Variants in APIP observed in about 807,000 individuals in gnomAD.
The protein encoded by APIP is methylthioribulose-1-phosphate dehydratase.
A neutral mutation model predicts 32.0 loss-of-function variants in APIP; 32 were observed. The observed-to-expected ratio is 1.00, with a 90% confidence interval of 0.76 to 1.34. APIP has a LOEUF of 1.34. Among genes scored for constraint, APIP ranks in the 40% most tolerant of loss-of-function variants. The probability of loss-of-function intolerance (pLI) is 0.00; values close to 1 mark genes in which losing one functional copy is unlikely to be tolerated. For missense variants in APIP, 247 were observed against 298.6 expected, an observed-to-expected ratio of 0.83 and a Z score of 1.27; for synonymous variants, 92 against 94.8, an observed-to-expected ratio of 0.97 and a Z score of 0.17.
intron 1 of APIP, among the ~76,000 whole-genome samples, chr11:34,911,877 C>A (rs1853558196): frequency 6.6e-6 from 1 of 152,272 alleles, no homozygotes; most frequent in South Asian, 2.1e-4. Flanking sequence ...GAACTTCATC[C>A]TTTCCCCCCA....
At position 34,890,417 on chromosome 11, in the gene APIP, G is replaced by T. The variant is rs545182480; in HGVS notation, c.207+87C>A. 6.2e-6 allele frequency: 8 copies of T among 1,280,958 alleles called. No individual in the cohort carries two copies. In the South Asian group the frequency reaches 9.6e-5, roughly 15 times the overall value. The allele number at this position is 1,280,958 out of a possible 1,614,324, so 79.3% of individuals were successfully genotyped here. A position where few individuals can be genotyped will look rare whatever the true frequency, so the allele number is the denominator to read the frequency against. ...GTTATTCAAATTGCTATGATAAAAT[G>T]AATGTTTTCTCTTAAAATTAATTCC... On this transcript the variant is annotated intron_variant, in intron 3 of 6. Transcript: ENST00000395787.
chr11:34,908,962 A>G (rs1853498494), intron 1 of APIP, among the ~76,000 whole-genome samples: 1 of 152,260 alleles, frequency 6.6e-6, no homozygotes, highest in Middle Eastern at 3.4e-3. Flanking sequence ...GAAACGTAAG[A>G]TATGTGATAA....
At chr11:34,883,598 T>A (rs2303957) in intron 5 of APIP, 94 bp from the exon 6 acceptor site, 1 of 1,284,364 alleles carries the variant, frequency 7.8e-7, no homozygotes, top group Non-Finnish European at 1.1e-6. Context: ...CAGTTAGACA[T>A]GCTGTTTGTG....
At chr11:34,892,023 CCATCTATA>C (rs1853193944) in intron 2 of APIP, among the ~76,000 whole-genome samples, 1 of 152,038 alleles carries the variant, frequency 6.6e-6, no homozygotes, top group Non-Finnish European at 1.5e-5. Context: ...TAAGTAAAAC[CCATCTATA>C]AAGTAGGAAA....
chr11:34,888,892 G>GA (rs1853136498), intron 3 of APIP, 23 bp from the exon 4 acceptor site: 4 of 1,331,164 alleles, frequency 3.0e-6, no homozygotes, highest in Non-Finnish European at 4.0e-6. Flanking sequence ...GGGAAAAAAA[G>GA]AAAAAAAGAA....
chr11:34,911,346 T>C (rs1206030648), intron 1 of APIP, among the ~76,000 whole-genome samples: 1 of 152,066 alleles, frequency 6.6e-6, no homozygotes, highest in African/African-American at 2.4e-5. Context: ...TAAGGTAAAA[T>C]TAAAAAAATA....
chr11:34,912,159 C>T (rs1013156998), intron 1 of APIP, among the ~76,000 whole-genome samples: 24 of 151,906 alleles, frequency 1.6e-4, no homozygotes, highest in Non-Finnish European at 2.1e-4. Flanking sequence ...GAGTCTGACC[C>T]GAAAATAATA....
chr11:34,887,382 C>T (rs2956095), intron 5 of APIP, among the ~76,000 whole-genome samples: 120,242 of 152,138 alleles, frequency 0.79, 47,689 homozygotes, highest in East Asian at 0.83. Context: ...CTCTACTTTC[C>T]TCAGTATGTA....
intron 2 of APIP, among the ~76,000 whole-genome samples, chr11:34,894,355 C>T (rs986372773): frequency 2.0e-5 from 3 of 150,412 alleles, no homozygotes; most frequent in African/African-American, 7.4e-5. Context: ...AATGATTAGT[C>T]ATCTGTATTT....
At chr11:34,885,996 G>A (rs1489951614) in intron 5 of APIP, among the ~76,000 whole-genome samples, 6 of 152,160 alleles carry the variant, frequency 3.9e-5, no homozygotes, top group African/African-American at 1.4e-4. Context: ...TATGTAATAC[G>A]TGATGATAAT....
chr11:34,915,001 C>T (rs1485563497), intron 1 of APIP, among the ~76,000 whole-genome samples: 1 of 76,398 alleles, frequency 1.3e-5, no homozygotes, highest in Non-Finnish European at 2.6e-5. Context: ...CAAAACGTGT[C>T]AAAAAAAAAA....
At chr11:34,891,474 T>G (rs1008024023) in intron 2 of APIP, among the ~76,000 whole-genome samples, 6 of 152,192 alleles carry the variant, frequency 3.9e-5, no homozygotes, top group African/African-American at 1.4e-4. Flanking sequence ...CTGCATGCTC[T>G]AGTTTCTGCT....
At chr11:34,913,206 T>C (rs1759965468) in intron 1 of APIP, among the ~76,000 whole-genome samples, 1 of 152,232 alleles carries the variant, frequency 6.6e-6, no homozygotes, top group East Asian at 1.9e-4. Context: ...TCTTCAGTCA[T>C]CCTGCTGATT....
intron 1 of APIP, among the ~76,000 whole-genome samples, chr11:34,901,564 A>G (rs1279573282): frequency 1.3e-5 from 2 of 152,162 alleles, no homozygotes; most frequent in African/African-American, 4.8e-5. Context: ...CCATAGTATG[A>G]CTATAAGGGG....
chr11:34,898,705 C>G (rs1365655096), intron 1 of APIP, among the ~76,000 whole-genome samples: 4 of 151,488 alleles, frequency 2.6e-5, no homozygotes, highest in African/African-American at 9.7e-5. Context: ...GTCTCTCTCT[C>G]TGCCCTTGGT....
chr11:34,887,783 G>C (rs907699514), intron 5 of APIP, among the ~76,000 whole-genome samples: 1 of 151,978 alleles, frequency 6.6e-6, no homozygotes, highest in African/African-American at 2.4e-5. Context: ...TATTTAAACT[G>C]ATCTAGAATG....
intron 5 of APIP, among the ~76,000 whole-genome samples, chr11:34,886,969 A>G (rs764436848): frequency 3.3e-5 from 5 of 152,330 alleles, no homozygotes; most frequent in African/African-American, 1.2e-4. Flanking sequence ...GCTGTTCTTT[A>G]TATAAAAGAT....
chr11:34,888,825 A>G lies in APIP; in HGVS notation c.252T>C (p.Ser84=). 6.6e-7 allele frequency: 1 copy of G among 1,511,362 alleles called. No individual in the cohort carries two copies. Among genetic ancestry groups the G allele is most frequent in the Non-Finnish European group, 8.8e-7 (1 of 1,142,142 alleles). 93.6% of individuals were successfully genotyped at this position (1,511,362 alleles called of 1,614,324 possible). A position where few individuals can be genotyped will look rare whatever the true frequency, so the allele number is the denominator to read the frequency against. ...TTAGCTTCTTCGATGGCGAAGGTCC[A>G]CTTATGTCCTTTTCATTTATATCAC... ...FVCDINEKDI[S]GPSPSKKLKK... The change falls in exon 4 of 7, where the codon AGT becomes AGC. Residue 84 remains serine, a synonymous_variant. Transcript: ENST00000395787.
chr11:34,908,213 CA>C (rs1853487503), intron 1 of APIP, among the ~76,000 whole-genome samples: 1 of 152,220 alleles, frequency 6.6e-6, no homozygotes, highest in Admixed American at 6.5e-5. Context: ...CCATTGAACA[CA>C]ACTTGCATTT....
Sources: gnomAD v4.1 joint callset for allele counts (sites outside exome capture counted in the v4.1 genomes callset) on GRCh38, gnomAD v4.1.1 for gene constraint, MANE v1.5 for transcripts, NCBI Gene and HGNC (gene_info 2026-07-23, HGNC 2026-07-21) for gene names.